Variants in TRMT2B observed in about 807,000 individuals in gnomAD.
TRMT2B encodes tRNA (uracil-5-)-methyltransferase homolog B.
In TRMT2B, 34 loss-of-function variants were observed where a neutral mutation model predicts 39.7. That is an observed-to-expected ratio of 0.86 (90% CI 0.65 to 1.14). The LOEUF (loss-of-function observed/expected upper bound fraction) is 1.14. Among genes scored for constraint, TRMT2B ranks in the 50% most tolerant of loss-of-function variants. The pLI is 0.00. For synonymous variants in TRMT2B, 132 were observed against 137.3 expected (o/e 0.96, Z 0.27); for missense variants, 318 against 377.2 (o/e 0.84, Z 1.30).
In TRMT2B at chrX:101,035,755, A is replaced by T. The variant is rs1320201998; in HGVS notation, c.539-72T>A. 6 of 935,511 alleles carry T rather than the reference A, an allele frequency of 6.4e-6. No individual in the cohort carries two copies. In the East Asian group the frequency reaches 1.9e-4, roughly 29 times the overall value. The allele number at this position is 935,511 out of a possible 1,213,427, so 77.1% of individuals were successfully genotyped here. A position where few individuals can be genotyped will look rare whatever the true frequency, so the allele number is the denominator to read the frequency against. ...TTTAAAAGAAAATGCCTGGCAACTCAAATTTCTATCGTCAAAGTGGCATAT... is the reference window on the plus strand; with the variant it reads ...TTTAAAAGAAAATGCCTGGCAACTCTAATTTCTATCGTCAAAGTGGCATAT... On this transcript the variant is annotated intron_variant, in intron 6 of 13. Coordinates refer to ENST00000372936, the MANE Select transcript of TRMT2B (RefSeq NM_024917.6).
chrX:101,038,371 CAAAAAAAAAAAA>C (rs57481304), intron 4 of TRMT2B, among the ~76,000 whole-genome samples: 10 of 35,196 alleles, frequency 2.8e-4, no homozygotes, highest in Non-Finnish European at 4.2e-4. Context: ...AACTCCGTCT[CAAAAAAAAAAAA>C]AAAAAAAAAA....
At chrX:100,982,126 G>C in the TRMT2B span, among the ~76,000 whole-genome samples, 1 of 110,825 alleles carries the variant, frequency 9.0e-6, no homozygotes, top group Non-Finnish European at 1.9e-5. Flanking sequence ...CAATCAGCTG[G>C]GGAGCTTTTT....
chrX:101,048,948 G>A (rs2088870706), intron 2 of TRMT2B, among the ~76,000 whole-genome samples: 1 of 112,100 alleles, frequency 8.9e-6, no homozygotes, highest in Non-Finnish European at 1.9e-5. Flanking sequence ...CTCAACATGT[G>A]TCACTGCTCT....
At chrX:101,012,041 T>A (rs994126916) in intron 13 of TRMT2B, among the ~76,000 whole-genome samples, 2 of 111,926 alleles carry the variant, frequency 1.8e-5, no homozygotes, top group African/African-American at 6.5e-5. Context: ...TTTTAAAACA[T>A]AAGTAGAAGG....
downstream of TRMT2B, among the ~76,000 whole-genome samples, chrX:101,008,814 A>G (rs1231089121): frequency 9.0e-6 from 1 of 111,138 alleles, no homozygotes. Flanking sequence ...ATGGCCAGGT[A>G]CCAGACAACT....
At chrX:100,995,252 C>T in the TRMT2B span, among the ~76,000 whole-genome samples, 7 of 111,635 alleles carry the variant, frequency 6.3e-5, no homozygotes, top group South Asian at 1.1e-3. Context: ...CCCCTCATCC[C>T]GCTGTATTTT....
the TRMT2B span, among the ~76,000 whole-genome samples, chrX:101,000,649 C>A: frequency 1.3e-3 from 146 of 110,046 alleles, no homozygotes; most frequent in African/African-American, 4.5e-3. Flanking sequence ...GACAAGCTAT[C>A]TGGCCTATGT....
the TRMT2B span, among the ~76,000 whole-genome samples, chrX:100,991,374 T>TTTTGGTTTTGTTTTG: frequency 9.5e-6 from 1 of 104,714 alleles, no homozygotes; most frequent in Non-Finnish European, 2.0e-5. Flanking sequence ...CAGTGCTAAG[T>TTTTGGTTTTGTTTTG]TTTTGTTTTG....
At chrX:101,034,895 G>A (rs1409108987) in intron 7 of TRMT2B, among the ~76,000 whole-genome samples, 1 of 111,715 alleles carries the variant, frequency 9.0e-6, no homozygotes, top group Non-Finnish European at 1.9e-5. Flanking sequence ...AGCTGGGTGT[G>A]GTGGCATGGG....
At chrX:100,998,554 C>CAAA in the TRMT2B span, among the ~76,000 whole-genome samples, 1 of 56,087 alleles carries the variant, frequency 1.8e-5, no homozygotes, top group Non-Finnish European at 3.2e-5. Flanking sequence ...GATTCTGTCG[C>CAAA]AAAAAAAAAA....
chrX:101,013,990 G>C (rs780483366), intron 13 of TRMT2B, among the ~76,000 whole-genome samples: 2 of 110,847 alleles, frequency 1.8e-5, no homozygotes, highest in African/African-American at 3.3e-5. Flanking sequence ...AGGAGGCTGA[G>C]GTGGAAGGAT....
chrX:101,014,531 T>C (rs1376872211), intron 13 of TRMT2B, among the ~76,000 whole-genome samples: 1 of 99,062 alleles, frequency 1.0e-5, no homozygotes, highest in Non-Finnish European at 2.1e-5. Flanking sequence ...CATATGCACA[T>C]ACTGACTTTT....
At chrX:100,989,666 A>G in the TRMT2B span, among the ~76,000 whole-genome samples, 6 of 111,778 alleles carry the variant, frequency 5.4e-5, no homozygotes, top group Admixed American at 9.5e-5. Context: ...CACTTCTCCC[A>G]ATACAAAAAT....
At chrX:101,044,579 C>G (rs1044457003) in intron 2 of TRMT2B, among the ~76,000 whole-genome samples, 3 of 111,211 alleles carry the variant, frequency 2.7e-5, no homozygotes, top group African/African-American at 9.8e-5. Context: ...AAATTAGGAC[C>G]GGGCGCAGTG....
At position 101,046,608 on chromosome X, in the gene TRMT2B, G is replaced by T. The variant is rs183976898; in HGVS notation, c.-23-4296C>A. 2.1e-3 allele frequency among the ~76,000 whole-genome samples: 236 copies of T among 110,954 alleles called. 2 individuals carry two copies. Among genetic ancestry groups the T allele is most frequent in the African/African-American group, 7.4e-3 (228 of 30,645 alleles). On this transcript the variant is annotated intron_variant, in intron 2 of 13. Coordinates refer to ENST00000372936, the MANE Select transcript of TRMT2B (RefSeq NM_024917.6). ...ATGGTATCTACCTTATATAGTGGTT[G>T]TAAGAGTTGAAGATAATTAATAAAA...
chrX:100,990,709 T>C, the TRMT2B span: 1 of 744,961 alleles, frequency 1.3e-6, no homozygotes, highest in Non-Finnish European at 2.0e-6. Flanking sequence ...CAATAAGTCA[T>C]GGGTGATCAA....
intron 3 of TRMT2B, 92 bp from the exon 4 acceptor site, chrX:101,041,463 A>C: frequency 4.1e-4 from 354 of 863,677 alleles, no homozygotes; most frequent in Non-Finnish European, 5.2e-4. Context: ...CCTAACTCTC[A>C]TGCTCTCTAG....
At chrX:101,021,624 G>T (rs2086807793) in intron 9 of TRMT2B, among the ~76,000 whole-genome samples, 1 of 109,819 alleles carries the variant, frequency 9.1e-6, no homozygotes, top group South Asian at 3.9e-4. Context: ...GCGAGACTCG[G>T]TCTCAAAGAA....
intron 4 of TRMT2B, among the ~76,000 whole-genome samples, chrX:101,039,936 G>A (rs1322121008): frequency 1.8e-5 from 2 of 109,071 alleles, no homozygotes; most frequent in Non-Finnish European, 3.8e-5. Flanking sequence ...TGAATACTAC[G>A]ATAAGGATAA....
Sources: gnomAD v4.1 joint callset for allele counts (sites outside exome capture counted in the v4.1 genomes callset) on GRCh38, gnomAD v4.1.1 for gene constraint, MANE v1.5 for transcripts, NCBI Gene and HGNC (gene_info 2026-07-23, HGNC 2026-07-21) for gene names.